Variants in ABCA4 observed in about 807,000 individuals in gnomAD.
The protein encoded by ABCA4 is retinal-specific phospholipid-transporting ATPase ABCA4.
A neutral mutation model predicts 263.7 loss-of-function variants in ABCA4; 196 were observed. That is an observed-to-expected ratio of 0.74 (90% CI 0.66 to 0.84). The LOEUF (loss-of-function observed/expected upper bound fraction) is 0.84, where lower values mean the gene tolerates loss of function less well. Ranked by LOEUF, ABCA4 falls within the 40% of genes least tolerant of loss-of-function variation. The pLI is 0.00. For missense variants in ABCA4, 2,792 were observed against 2,855.1 expected, an observed-to-expected ratio of 0.98 and a Z score of 0.50; for synonymous variants, 1,133 against 1,094.2, an observed-to-expected ratio of 1.04 and a Z score of -0.70.
chr1:94,096,662 T>C (rs921142686), intron 6 of ABCA4, among the ~76,000 whole-genome samples: 1 of 152,250 alleles, frequency 6.6e-6, no homozygotes, highest in Non-Finnish European at 1.5e-5. Context: ...TGGAAGCCAG[T>C]GTCCTGAGTT....
chr1:94,010,852 C>T lies in ABCA4; in HGVS notation c.5662G>A (p.Val1888Met), dbSNP rs960046683. 6.2e-7 allele frequency: 1 copy of T among 1,614,068 alleles called. No homozygotes were observed. Residue 1888 changes from valine to methionine, a missense_variant, in exon 40 of 50, where the codon GTG becomes ATG. Val to Met is a conservative substitution (Grantham distance 21). Coordinates refer to ENST00000370225, the MANE Select transcript of ABCA4 (RefSeq NM_000350.3). ...NLFAMVVEGV[V>M]YFLLTLLVQR... ...ACCAGCAGGGTCAGGAGGAAGTACA[C>T]CACCCCTTCCACCACCATGGCAAAC...
rs554468489 is a variant in ABCA4, at chr1:94,111,647, G to T, written c.161-68C>A. ...GACCAAGCAGGATGCAGACCTAGGA[G>T]TTGGCCTTTTTGGGAAGGGGCCCGG... On this transcript the variant is annotated intron_variant, in intron 2 of 49. Transcript: ENST00000370225. The T allele has an allele frequency of 9.3e-5, 149 of 1,598,282 alleles. 2 individuals are homozygous for T. Among genetic ancestry groups the T allele is most frequent in the East Asian group, 8.5e-4 (38 of 44,756 alleles).
chr1:93,993,588 C>T (rs951998114), intron 49 of ABCA4, among the ~76,000 whole-genome samples: 2 of 151,908 alleles, frequency 1.3e-5, no homozygotes, highest in Non-Finnish European at 2.9e-5. Context: ...AAGAAAGTTA[C>T]CATTATCTTA....
chr1:94,029,120 C>T (rs1365456831), intron 30 of ABCA4, among the ~76,000 whole-genome samples: 2 of 151,192 alleles, frequency 1.3e-5, no homozygotes, highest in African/African-American at 4.9e-5. Context: ...ATTTTTTTTC[C>T]TTCTGACTTA....
chr1:94,112,097 A>C (rs540423895), intron 2 of ABCA4, among the ~76,000 whole-genome samples: 1 of 152,308 alleles, frequency 6.6e-6, no homozygotes, highest in East Asian at 1.9e-4. Context: ...GAAGATCAAG[A>C]ATAGAGGACT....
At position 94,024,994 on chromosome 1, in the gene ABCA4, C is replaced by A; in HGVS notation, c.4594G>T (p.Asp1532Tyr). 1 of 1,614,180 alleles carries A rather than the reference C, an allele frequency of 6.2e-7. No homozygotes were observed. Among genetic ancestry groups the A allele is most frequent in the Non-Finnish European group, 8.5e-7 (1 of 1,180,030 alleles). ...GCAGGATACGTTTTTACCAAGAAGT[C>A]GGAGATGTTCCTGTCCGTCAGGTCT... Reference protein sequence around the residue: ...LQDLTDRNISDFLVKTYPALI... With the variant: ...LQDLTDRNISYFLVKTYPALI... The change falls in exon 31 of 50, where the codon GAC becomes TAC. Residue 1532 changes from aspartate (D) to tyrosine (Y), a missense_variant. Coordinates refer to ENST00000370225, the MANE Select transcript of ABCA4 (RefSeq NM_000350.3).
At chr1:94,070,999 G>A (rs557161646) in intron 11 of ABCA4, among the ~76,000 whole-genome samples, 2 of 152,324 alleles carry the variant, frequency 1.3e-5, no homozygotes, top group Admixed American at 6.5e-5. Context: ...GACAGTACAC[G>A]CTTCTGTAAA....
chr1:94,011,667 GC>G (rs1159442737), intron 38 of ABCA4, among the ~76,000 whole-genome samples: 4 of 152,228 alleles, frequency 2.6e-5, no homozygotes, highest in Admixed American at 6.5e-5. Flanking sequence ...TTTCTAGTGG[GC>G]GGGAGCTTCC....
chr1:94,004,378 A>G (rs1305293749), intron 44 of ABCA4, among the ~76,000 whole-genome samples: 2 of 152,178 alleles, frequency 1.3e-5, no homozygotes, highest in African/African-American at 2.4e-5. Context: ...CAAAACATTT[A>G]TTAATTTATT....
rs560645787 is a variant in ABCA4, at chr1:94,105,778, A to T, written c.443-2636T>A. On this transcript the variant is annotated intron_variant, in intron 4 of 49. Transcript: ENST00000370225. ...GGGGCTCCATGCCTGGTCTTTTACC[A>T]TTAATCCTCCCTGCTGAGAATGCAG... 1.8e-4 allele frequency among the ~76,000 whole-genome samples: 28 copies of T among 152,224 alleles called. 1 individual carries two copies. Among genetic ancestry groups the T allele is most frequent in the Middle Eastern group, 3.4e-3 (1 of 294 alleles).
At chr1:93,999,515 T>C (rs3789374) in intron 47 of ABCA4, among the ~76,000 whole-genome samples, 19,424 of 152,254 alleles carry the variant, frequency 0.13, 2,078 homozygotes, top group African/African-American at 0.29. Context: ...TGCTAGGGCT[T>C]GGGCCATTGG....
chr1:94,018,355 G>A (rs895221675), intron 36 of ABCA4, among the ~76,000 whole-genome samples: 8 of 152,170 alleles, frequency 5.3e-5, no homozygotes, highest in African/African-American at 1.9e-4. Context: ...TAGCATCACA[G>A]GGCCAATGTG....
At chr1:94,027,584 G>A (rs926466471) in intron 30 of ABCA4, among the ~76,000 whole-genome samples, 4 of 152,194 alleles carry the variant, frequency 2.6e-5, no homozygotes, top group Non-Finnish European at 4.4e-5. Context: ...AATATTGCTT[G>A]AGAAATATAA....
At chr1:94,118,697 C>T (rs1450735466) in intron 1 of ABCA4, among the ~76,000 whole-genome samples, 3 of 152,220 alleles carry the variant, frequency 2.0e-5, no homozygotes, top group Non-Finnish European at 4.4e-5. Flanking sequence ...CCAGGCCCAG[C>T]CCTGGGAGGT....
At chr1:94,060,033 T>G (rs761284872) in intron 14 of ABCA4, among the ~76,000 whole-genome samples, 5 of 152,156 alleles carry the variant, frequency 3.3e-5, no homozygotes, top group African/African-American at 4.8e-5. Context: ...GCAGAATGTT[T>G]TTTGGTGAAG....
At chr1:94,033,554 G>T (rs17110905) in intron 26 of ABCA4, among the ~76,000 whole-genome samples, 9,399 of 152,134 alleles carry the variant, frequency 0.062, 325 homozygotes, top group Middle Eastern at 0.21. Flanking sequence ...ACAGTTTATA[G>T]TCACTGATTA....
chr1:94,116,345 C>G (rs2101176104), intron 1 of ABCA4, among the ~76,000 whole-genome samples: 1 of 152,108 alleles, frequency 6.6e-6, no homozygotes, highest in Admixed American at 6.5e-5. Flanking sequence ...AGGCTGAAAA[C>G]ATGCCGGGGT....
At chr1:94,065,422 A>G (rs112137995) in intron 11 of ABCA4, among the ~76,000 whole-genome samples, 3 of 152,308 alleles carry the variant, frequency 2.0e-5, no homozygotes, top group African/African-American at 7.2e-5. Context: ...TAAGGACCTG[A>G]CCACAGAACC....
chr1:94,043,085 C>T (rs1467156077), intron 21 of ABCA4, among the ~76,000 whole-genome samples, 187 bp from the exon 22 acceptor site: 2 of 152,232 alleles, frequency 1.3e-5, no homozygotes, highest in African/African-American at 4.8e-5. Flanking sequence ...GCAACCCTCA[C>T]CTCCTCGGAT....
Sources: gnomAD v4.1 joint callset for allele counts (sites outside exome capture counted in the v4.1 genomes callset) on GRCh38, gnomAD v4.1.1 for gene constraint, MANE v1.5 for transcripts, NCBI Gene and HGNC (gene_info 2026-07-23, HGNC 2026-07-21) for gene names.